TMPRSS9: variants seen among roughly 807,000 people sequenced by gnomAD.
TMPRSS9 encodes transmembrane protease serine 9.
A neutral mutation model predicts 111.4 loss-of-function variants in TMPRSS9; 113 were observed. The ratio of observed to expected loss-of-function variants is 1.01; its 90% CI spans 0.87 to 1.19. The LOEUF is 1.19. Among genes scored for constraint, TMPRSS9 ranks in the 50% most tolerant of loss-of-function variants. The pLI is 0.00. For missense variants in TMPRSS9, 1,803 were observed against 1,513.1 expected, an observed-to-expected ratio of 1.19 and a Z score of -3.18; for synonymous variants, 805 against 659.1, an observed-to-expected ratio of 1.22 and a Z score of -3.39.
chr19:2,389,729 C>G, upstream of TMPRSS9: 1 of 1,562,784 alleles, frequency 6.4e-7, no homozygotes, highest in Non-Finnish European at 8.7e-7. Flanking sequence ...AGCCTCTGAC[C>G]CCGTGTTTCT....
chr19:2,382,207 G>C (rs1371345708), intron 1 of TMPRSS9, among the ~76,000 whole-genome samples: 1 of 152,080 alleles, frequency 6.6e-6, no homozygotes, highest in East Asian at 1.9e-4. Flanking sequence ...TGTTGCCCAG[G>C]CTGGAGTGCT....
intron 15 of TMPRSS9, 140 bp downstream of exon 16, chr19:2,424,397 T>C (rs1599321227): frequency 2.3e-6 from 2 of 864,594 alleles, no homozygotes; most frequent in African/African-American, 5.4e-5. Flanking sequence ...CCCAGGCCAC[T>C]CCTCCCACCC....
At chr19:2,366,858 A>C (rs867044336) in intron 1 of TMPRSS9, among the ~76,000 whole-genome samples, 2 of 142,662 alleles carry the variant, frequency 1.4e-5, no homozygotes, top group South Asian at 2.3e-4. Context: ...CTCCATTTCA[A>C]AAAAAAAAAA....
At chr19:2,379,173 TTCTTTC>T (rs1174619367) in intron 1 of TMPRSS9, among the ~76,000 whole-genome samples, 1 of 141,752 alleles carries the variant, frequency 7.1e-6, no homozygotes, top group Non-Finnish European at 1.5e-5. Flanking sequence ...AAGCCTGAGC[TTCTTTC>T]TCTTTTTTTT....
exon 16 of TMPRSS9, chr19:2,425,104 C>T (rs1298331846): frequency 6.3e-7 from 1 of 1,583,770 alleles, no homozygotes; most frequent in African/African-American, 1.3e-5. Flanking sequence ...AGCACCCGTT[C>T]TACAATCTCT....
At chr19:2,411,223 C>T (rs1400128901) in intron 9 of TMPRSS9, among the ~76,000 whole-genome samples, 1 of 136,222 alleles carries the variant, frequency 7.3e-6, no homozygotes, top group African/African-American at 2.8e-5. Flanking sequence ...TCATCTGAAC[C>T]TGGGAGCTGG....
At chr19:2,381,319 C>T (rs113556637) in intron 1 of TMPRSS9, among the ~76,000 whole-genome samples, 3 of 151,986 alleles carry the variant, frequency 2.0e-5, no homozygotes, top group African/African-American at 7.2e-5. Context: ...GGGGCAGGGT[C>T]AGCAGAGGCA....
In TMPRSS9 at chr19:2,405,360, C is replaced by T; in HGVS notation, c.671-14C>T. ...CCTTCGTGGGGTCATGGCTGGTGAC[C>T]TGCTGTCTTGCAGAGTGTGGCTTGC... is the stretch of plus-strand genomic sequence containing the variant. On this transcript the variant is annotated splice_polypyrimidine_tract_variant and intron_variant, in intron 6 of 17. Coordinates refer to ENST00000648592, the Ensembl canonical transcript of TMPRSS9. 6.3e-7 allele frequency: 1 copy of T among 1,580,814 alleles called. No homozygotes were observed. The highest frequency in any genetic ancestry group is 8.6e-7 in the Non-Finnish European group (1 of 1,168,960).
intron 7 of TMPRSS9, among the ~76,000 whole-genome samples, chr19:2,407,942 C>G (rs139041356): frequency 0.016 from 2,471 of 151,994 alleles, 75 homozygotes; most frequent in African/African-American, 0.057. Context: ...CATCACTATG[C>G]CCGGCTAATT....
At chr19:2,389,528 C>T (rs1197946853), upstream of TMPRSS9, among the ~76,000 whole-genome samples, 1 of 151,878 alleles carries the variant, frequency 6.6e-6, no homozygotes, top group Non-Finnish European at 1.5e-5. Context: ...ACCAACATGC[C>T]TGGCTAATTT....
In TMPRSS9 at chr19:2,410,255, C is replaced by T. The variant is rs774501101; in HGVS notation, c.1118-3C>T. 1 of 1,613,742 alleles carries T rather than the reference C, an allele frequency of 6.2e-7. No individual in the cohort carries two copies. On this transcript the variant is annotated splice_region_variant and splice_polypyrimidine_tract_variant and intron_variant, in intron 8 of 17. Transcript: ENST00000648592. ...CCCTGCTTTTCTCTCCCCATTCGGCCAGTGGTCAAGCCAGAGGTGCTGCAG... is the reference window on the plus strand; with the variant it reads ...CCCTGCTTTTCTCTCCCCATTCGGCTAGTGGTCAAGCCAGAGGTGCTGCAG...
intron 1 of TMPRSS9, among the ~76,000 whole-genome samples, chr19:2,365,800 C>T (rs968663779): frequency 2.6e-5 from 4 of 151,700 alleles, no homozygotes; most frequent in African/African-American, 9.7e-5. Context: ...CCCATCTGTA[C>T]AAAAACTAAA....
chr19:2,394,110 A>C (rs2145295576), intron 1 of TMPRSS9, among the ~76,000 whole-genome samples: 1 of 152,082 alleles, frequency 6.6e-6, no homozygotes, highest in African/African-American at 2.4e-5. Context: ...AGCTAAGGCA[A>C]GGGAATCGCT....
chr19:2,409,625 T>C (rs1186443561), intron 8 of TMPRSS9, among the ~76,000 whole-genome samples: 1 of 151,488 alleles, frequency 6.6e-6, no homozygotes, highest in African/African-American at 2.4e-5. Flanking sequence ...AATAGGGAGG[T>C]CAGGAGATGC....
In TMPRSS9 at chr19:2,418,440, C is replaced by T. The variant is rs570636618; in HGVS notation, c.2154+302C>T. The stretch of plus-strand genomic sequence containing the variant: ...TTCCCTCCCTCCCTTTCCTTCCCTC[C>T]CTCCCCTTCCCTCCCTCCCTTTCCT... On this transcript the variant is annotated intron_variant, in intron 13 of 17. Transcript: ENST00000648592. 6.7e-5 allele frequency among the ~76,000 whole-genome samples: 2 copies of T among 29,740 alleles called. 1 individual carries two copies. The highest frequency in any genetic ancestry group is 5.3e-4 in the African/African-American group (2 of 3,776). The allele number at this position is 29,740 out of a possible 152,430, so 19.5% of individuals were successfully genotyped here.
At chr19:2,379,685 CT>C (rs1413395977) in intron 1 of TMPRSS9, among the ~76,000 whole-genome samples, 1 of 142,662 alleles carries the variant, frequency 7.0e-6, no homozygotes, top group Non-Finnish European at 1.5e-5. Flanking sequence ...TTCTCTTTTT[CT>C]TTCTTTCCTT....
At chr19:2,396,831 A>G (rs1970721153) in intron 2 of TMPRSS9, among the ~76,000 whole-genome samples, 165 bp downstream of exon 3, 1 of 151,710 alleles carries the variant, frequency 6.6e-6, no homozygotes, top group African/African-American at 2.4e-5. Context: ...GGACGAGGCC[A>G]GGTGGCCAAG....
At position 2,390,401 on chromosome 19, in the gene TMPRSS9, C is replaced by G. The variant is rs528358812; in HGVS notation, c.142+474C>G. On this transcript the variant is annotated intron_variant, in intron 1 of 17. Transcript: ENST00000648592. ...TGGGACTACAGGCGCCCGCCACCAC[C>G]CCCGGCTAATTTTTTGTATTTTTAG... Among the ~76,000 whole-genome samples, 49 of 150,126 alleles carry G rather than the reference C, an allele frequency of 3.3e-4. 1 individual carries two copies. The highest frequency in any genetic ancestry group is 6.8e-3 in the Middle Eastern group (2 of 292).
At chr19:2,408,630 C>T (rs149040465) in exon 8 of TMPRSS9, 94 of 1,607,590 alleles carry the variant, frequency 5.8e-5, no homozygotes, top group African/African-American at 9.4e-5. Context: ...GGAGGACTTC[C>T]GTAAGCATCT....
Sources: gnomAD v4.1 joint callset for allele counts (sites outside exome capture counted in the v4.1 genomes callset) on GRCh38, gnomAD v4.1.1 for gene constraint, MANE v1.5 for transcripts, NCBI Gene and HGNC (gene_info 2026-07-23, HGNC 2026-07-21) for gene names.